Variants in TSNARE1 observed in about 807,000 individuals in gnomAD.
TSNARE1 encodes the protein t-SNARE domain-containing protein 1.
A neutral mutation model predicts 62.0 loss-of-function variants in TSNARE1; 49 were observed. The observed-to-expected ratio is 0.79, with a 90% CI of 0.63 to 1.00. The LOEUF (loss-of-function observed/expected upper bound fraction) is 1.00, where lower values mean the gene tolerates loss of function less well. TSNARE1 is among the 50% of genes least tolerant of loss of function. The pLI is 0.00. For synonymous variants in TSNARE1, 328 were observed against 294.4 expected (o/e 1.11, Z -1.17); for missense variants, 755 against 700.1 (o/e 1.08, Z -0.88).
chr8:142,361,444 G>A (rs929580275), intron 1 of TSNARE1, among the ~76,000 whole-genome samples: 1 of 152,214 alleles, frequency 6.6e-6, no homozygotes, highest in Admixed American at 6.5e-5. Context: ...CACGGCAGCA[G>A]AGGCAATGGC....
At chr8:142,259,184 C>A (rs2130379132) in intron 12 of TSNARE1, among the ~76,000 whole-genome samples, 1 of 152,370 alleles carries the variant, frequency 6.6e-6, no homozygotes, top group African/African-American at 2.4e-5. Context: ...GGCCGAGGGG[C>A]AGAAGGGCGA....
chr8:142,217,586 C>A (rs894593876), intron 13 of TSNARE1, among the ~76,000 whole-genome samples: 1 of 151,472 alleles, frequency 6.6e-6, no homozygotes, highest in African/African-American at 2.4e-5. Context: ...GACCTACTCA[C>A]TTCAGCTACG....
At chr8:142,330,669 C>T (rs1830886447) in intron 6 of TSNARE1, among the ~76,000 whole-genome samples, 1 of 152,234 alleles carries the variant, frequency 6.6e-6, no homozygotes, top group Admixed American at 6.5e-5. Context: ...CGGGGTGCAC[C>T]TGTGTGCCCT....
intron 1 of TSNARE1, among the ~76,000 whole-genome samples, chr8:142,401,645 T>C (rs1414652685): frequency 6.6e-6 from 1 of 151,998 alleles, no homozygotes; most frequent in Admixed American, 6.6e-5. Context: ...GGTTCCTGGA[T>C]AGAGTCAGAG....
intron 4 of TSNARE1, among the ~76,000 whole-genome samples, chr8:142,336,318 G>C (rs947055109): frequency 1.4e-5 from 2 of 140,880 alleles, no homozygotes; most frequent in African/African-American, 5.3e-5. Context: ...GCAAGATCTT[G>C]CTCTACAGTA....
chr8:142,354,717 T>C lies in TSNARE1; in HGVS notation c.8A>G (p.Tyr3Cys), dbSNP rs976656279. 1 of 1,612,964 alleles carries C rather than the reference T, an allele frequency of 6.2e-7. No homozygotes were observed. Among genetic ancestry groups the C allele is most frequent in the Non-Finnish European group, 8.5e-7 (1 of 1,179,630 alleles). MS[Y>C]GSIARGGGLG... Reference sequence around the variant, plus strand: ...GCCACCTCCACGGGCGATGGATCCGTATGACATCTTCTTACAGATGGCAGG... The same window carrying C: ...GCCACCTCCACGGGCGATGGATCCGCATGACATCTTCTTACAGATGGCAGG... Residue 3 changes from tyrosine (Y) to cysteine (C), a missense_variant, in exon 2 of 14, where the codon TAC (tyrosine) becomes TGC (cysteine). By Grantham distance (194) the Tyr-to-Cys change is radical. Coordinates refer to ENST00000524325, the MANE Select transcript of TSNARE1 (RefSeq NM_145003.5).
At chr8:142,352,798 C>T (rs1834276593) in intron 2 of TSNARE1, among the ~76,000 whole-genome samples, 1 of 152,208 alleles carries the variant, frequency 6.6e-6, no homozygotes, top group Non-Finnish European at 1.5e-5. Flanking sequence ...GGCACATACA[C>T]AGTTCAGAGC....
chr8:142,248,919 G>T (rs1217660636), intron 12 of TSNARE1, among the ~76,000 whole-genome samples: 1 of 152,226 alleles, frequency 6.6e-6, no homozygotes, highest in Non-Finnish European at 1.5e-5. Context: ...AGCAGGGAGG[G>T]CACTGCTGCG....
chr8:142,217,872 GGCCAGGATCAGGGCTCAGTGTGTGA>G (rs1815970588), intron 13 of TSNARE1, among the ~76,000 whole-genome samples: 1 of 146,958 alleles, frequency 6.8e-6, no homozygotes, highest in Non-Finnish European at 1.5e-5. Flanking sequence ...CTCAGTGTGT[GGCCAGGATCAGGGCTCAGTGTGTGA>G]CCAGGATCAG....
chr8:142,370,648 A>C (rs1587051325), intron 1 of TSNARE1, among the ~76,000 whole-genome samples: 1 of 152,288 alleles, frequency 6.6e-6, no homozygotes, highest in South Asian at 2.1e-4. Flanking sequence ...AATAAAAAAG[A>C]AGGTGAAAAG....
At chr8:142,341,903 G>T (rs1832634198) in intron 4 of TSNARE1, among the ~76,000 whole-genome samples, 1 of 152,208 alleles carries the variant, frequency 6.6e-6, no homozygotes, top group Non-Finnish European at 1.5e-5. Context: ...AGGGCAGGAG[G>T]ACTTCTTCAT....
At chr8:142,345,971 G>T in intron 2 of TSNARE1, 79 bp from the exon 3 acceptor site, 1 of 1,516,022 alleles carries the variant, frequency 6.6e-7, no homozygotes. Context: ...TGCACGGACA[G>T]CAGACACCCA....
intron 1 of TSNARE1, among the ~76,000 whole-genome samples, chr8:142,377,480 A>G (rs1011773335): frequency 6.6e-6 from 1 of 152,224 alleles, no homozygotes; most frequent in African/African-American, 2.4e-5. Context: ...GCCCTCCTAC[A>G]AATTCATTTT....
chr8:142,336,220 G>A (rs1349484831), intron 4 of TSNARE1, among the ~76,000 whole-genome samples: 4 of 146,832 alleles, frequency 2.7e-5, no homozygotes, highest in Non-Finnish European at 5.9e-5. Flanking sequence ...GATCGAGGCT[G>A]CAGTGAGCCT....
chr8:142,229,127 T>TGGTGGGTGGATAGATGGATGGACAGTG (rs139152472), intron 13 of TSNARE1, among the ~76,000 whole-genome samples: 4 of 144,572 alleles, frequency 2.8e-5, no homozygotes, highest in East Asian at 2.1e-4. Context: ...GATAAATGGA[T>TGGTGGGTGGATAGATGGATGGACAGTG]GGTGGGTGGA....
intron 9 of TSNARE1, among the ~76,000 whole-genome samples, chr8:142,302,266 CCT>C (rs147558334): frequency 5.9e-5 from 9 of 152,246 alleles, no homozygotes; most frequent in African/African-American, 9.6e-5. Flanking sequence ...ACACACACCC[CCT>C]GACACAAATC....
In TSNARE1 at chr8:142,221,634, C is replaced by A. The variant is rs115161507; in HGVS notation, c.*11+7839G>T. Among the ~76,000 whole-genome samples, 1,170 of 151,868 alleles carry A rather than the reference C, an allele frequency of 7.7e-3. 229 individuals carry two copies. The highest frequency in any genetic ancestry group is 0.026 in the African/African-American group (1,089 of 41,162). ...GCCCTCACTCACTCATTCACAAACT[C>A]ATTGACTCGTTCATTCATCCACTCA... On this transcript the variant is annotated intron_variant, in intron 13 of 13. Transcript: ENST00000524325.
intron 12 of TSNARE1, among the ~76,000 whole-genome samples, chr8:142,244,948 C>T (rs529016490): frequency 6.6e-6 from 1 of 152,236 alleles, no homozygotes; most frequent in African/African-American, 2.4e-5. Flanking sequence ...TCGGAGCCCA[C>T]GCACCTGTGT....
intron 13 of TSNARE1, among the ~76,000 whole-genome samples, chr8:142,226,871 G>A (rs1816800260): frequency 6.6e-6 from 1 of 152,072 alleles, no homozygotes; most frequent in East Asian, 1.9e-4. Flanking sequence ...TGCTCCCTGG[G>A]CAAGCTGCTG....
Sources: gnomAD v4.1 joint callset for allele counts (sites outside exome capture counted in the v4.1 genomes callset) on GRCh38, gnomAD v4.1.1 for gene constraint, MANE v1.5 for transcripts, NCBI Gene and HGNC (gene_info 2026-07-23, HGNC 2026-07-21) for gene names.